The following SPTLC2 variants were observed in gnomAD, a reference collection of about 807,000 sequenced individuals.
SPTLC2 encodes serine palmitoyltransferase 2.
A neutral mutation model predicts 62.0 loss-of-function variants in SPTLC2; 21 were observed. The observed-to-expected ratio is 0.34, with a 90% confidence interval of 0.24 to 0.49. The LOEUF (loss-of-function observed/expected upper bound fraction) is 0.49. Among genes scored for constraint, SPTLC2 ranks in the 20% least tolerant of loss-of-function variants. The probability of loss-of-function intolerance (pLI) is 0.99; values close to 1 mark genes in which losing one functional copy is unlikely to be tolerated. For missense variants in SPTLC2, 511 were observed against 713.0 expected, an observed-to-expected ratio of 0.72 and a Z score of 3.23; for synonymous variants, 261 against 261.8, an observed-to-expected ratio of 1.00 and a Z score of 0.03.
intron 1 of SPTLC2, among the ~76,000 whole-genome samples, chr14:77,611,558 G>T (rs923935546): frequency 6.6e-6 from 1 of 152,142 alleles, no homozygotes; most frequent in Non-Finnish European, 1.5e-5. Flanking sequence ...AGGCGTGGTG[G>T]CTCACGCCTG....
At chr14:77,595,263 G>A (rs1321828175) in intron 2 of SPTLC2, among the ~76,000 whole-genome samples, 1 of 152,110 alleles carries the variant, frequency 6.6e-6, no homozygotes, top group Admixed American at 6.6e-5. Flanking sequence ...TACTTGGGAA[G>A]CTGAGGCATG....
chr14:77,610,331 G>A (rs140426308), intron 1 of SPTLC2, among the ~76,000 whole-genome samples: 5,242 of 152,196 alleles, frequency 0.034, 123 homozygotes, highest in South Asian at 0.079. Flanking sequence ...TAGTAGAGAC[G>A]GGGTTTCACC....
intron 4 of SPTLC2, among the ~76,000 whole-genome samples, chr14:77,571,234 G>A (rs979571434): frequency 3.3e-5 from 5 of 152,176 alleles, no homozygotes; most frequent in Non-Finnish European, 5.9e-5. Context: ...TTCCTGGCAG[G>A]GTGCAGTGGC....
intron 10 of SPTLC2, 140 bp from the exon 11 acceptor site, chr14:77,518,307 T>G (rs1050479146): frequency 5.2e-5 from 67 of 1,283,230 alleles, no homozygotes; most frequent in Non-Finnish European, 7.0e-5. Context: ...TTAACTCCTT[T>G]TAAAGTTAAA....
chr14:77,610,737 G>C (rs1186897869), intron 1 of SPTLC2, among the ~76,000 whole-genome samples: 3 of 151,898 alleles, frequency 2.0e-5, no homozygotes, highest in Non-Finnish European at 4.4e-5. Flanking sequence ...GGATGCTTGT[G>C]GTCAGGAGTC....
chr14:77,537,286 TAA>T (rs74264007), intron 9 of SPTLC2, among the ~76,000 whole-genome samples: 3 of 147,006 alleles, frequency 2.0e-5, no homozygotes, highest in African/African-American at 2.5e-5. Context: ...GGGCAGAAGT[TAA>T]AAAAAAAAAA....
rs527746715 is a variant in SPTLC2 at position 77,580,648 on chromosome 14, A to T, written c.328-1539T>A. Among the ~76,000 whole-genome samples the T allele has an allele frequency of 2.0e-5, 3 of 151,724 alleles. No individual in the cohort carries two copies. The South Asian group carries it at 6.3e-4, about 32-fold the overall frequency. ...TAAGGTGGAAGGATCGCTTGTGGCC[A>T]GGAATCTGAAGTGACAGTAAGCTAT... On this transcript the variant is annotated intron_variant, in intron 2 of 11. Coordinates refer to ENST00000216484, the MANE Select transcript of SPTLC2 (RefSeq NM_004863.4).
intron 1 of SPTLC2, among the ~76,000 whole-genome samples, chr14:77,611,330 G>C (rs560416691): frequency 6.6e-6 from 1 of 151,108 alleles, no homozygotes; most frequent in African/African-American, 2.4e-5. Flanking sequence ...CACTGTAGTG[G>C]TGCACACCTG....
intron 7 of SPTLC2, 68 bp downstream of exon 7, chr14:77,556,973 T>C: frequency 2.3e-6 from 3 of 1,305,074 alleles, no homozygotes; most frequent in Non-Finnish European, 3.3e-6. Context: ...TAATGTTCCC[T>C]TCAGTTAAAA....
At chr14:77,578,349 T>TA (rs1555376608) in intron 3 of SPTLC2, among the ~76,000 whole-genome samples, 19 of 151,248 alleles carry the variant, frequency 1.3e-4, no homozygotes, top group African/African-American at 4.4e-4. Context: ...TTTTTTTTTT[T>TA]AAAGTCAAGA....
At chr14:77,543,778 C>G (rs376164383) in intron 9 of SPTLC2, among the ~76,000 whole-genome samples, 1 of 152,188 alleles carries the variant, frequency 6.6e-6, no homozygotes, top group Non-Finnish European at 1.5e-5. Context: ...GCCACTGATT[C>G]AATCAGCCAG....
At chr14:77,597,730 C>G (rs1175828666) in intron 1 of SPTLC2, among the ~76,000 whole-genome samples, 1 of 150,276 alleles carries the variant, frequency 6.7e-6, no homozygotes, top group South Asian at 2.1e-4. Context: ...GCCAAGATCA[C>G]GCCACTGCAC....
At chr14:77,564,964 G>T (rs2079636448) in intron 5 of SPTLC2, among the ~76,000 whole-genome samples, 1 of 152,106 alleles carries the variant, frequency 6.6e-6, no homozygotes, top group South Asian at 2.1e-4. Context: ...GGTAAGCCGG[G>T]TGCGGTGGCT....
intron 8 of SPTLC2, among the ~76,000 whole-genome samples, chr14:77,553,058 C>T (rs1355081248): frequency 6.6e-6 from 1 of 152,066 alleles, no homozygotes; most frequent in Non-Finnish European, 1.5e-5. Context: ...TAGAAACTTA[C>T]AAGGTATTTT....
chr14:77,536,077 C>T lies in SPTLC2; in HGVS notation c.1304-14496G>A, dbSNP rs1363638666. The T allele has an allele frequency of 1.0e-5, 4 of 391,516 alleles. No homozygotes were observed. The Admixed American group carries it at 1.3e-4, about 13-fold the overall frequency. 24.3% of individuals were successfully genotyped at this position (391,516 alleles called of 1,614,324 possible). On this transcript the variant is annotated intron_variant, in intron 9 of 11. Coordinates refer to ENST00000216484, the MANE Select transcript of SPTLC2 (RefSeq NM_004863.4). ...GCAAAAAGGCTAAAAACTGTGGAGA[C>T]ACAACTCAATTTTGGTGGAGCAAGT...
At chr14:77,517,818 G>A (rs181817048) in intron 11 of SPTLC2, among the ~76,000 whole-genome samples, 20 of 152,176 alleles carry the variant, frequency 1.3e-4, no homozygotes, top group African/African-American at 4.6e-4. Flanking sequence ...GAGGGAGACA[G>A]TAGAGCAAGA....
At position 77,616,602 on chromosome 14, in the gene SPTLC2, A is replaced by C; in HGVS notation, c.-23T>G. 1 of 1,536,578 alleles carries C rather than the reference A, an allele frequency of 6.5e-7. No homozygotes were observed. Among genetic ancestry groups the C allele is most frequent in the Non-Finnish European group, 8.7e-7 (1 of 1,147,180 alleles). On this transcript the variant is annotated 5_prime_UTR_variant, in exon 1 of 12. Coordinates refer to ENST00000216484, the MANE Select transcript of SPTLC2 (RefSeq NM_004863.4). ...CATCTTCCTGGCAGCACCAGGCGCA[A>C]GGCAGGCTCTGTAGGCGGTGGCAGC...
At chr14:77,556,403 G>A (rs1407396987) in intron 7 of SPTLC2, among the ~76,000 whole-genome samples, 1 of 152,126 alleles carries the variant, frequency 6.6e-6, no homozygotes, top group Non-Finnish European at 1.5e-5. Flanking sequence ...TAAGGTCACA[G>A]CAGATTCTTC....
chr14:77,573,911 C>T (rs1283397081), intron 4 of SPTLC2, among the ~76,000 whole-genome samples: 1 of 152,172 alleles, frequency 6.6e-6, no homozygotes, highest in Non-Finnish European at 1.5e-5. Context: ...AGATGACAGG[C>T]ATGAGCCACT....
Sources: gnomAD v4.1 joint callset for allele counts (sites outside exome capture counted in the v4.1 genomes callset) on GRCh38, gnomAD v4.1.1 for gene constraint, MANE v1.5 for transcripts, NCBI Gene and HGNC (gene_info 2026-07-23, HGNC 2026-07-21) for gene names.